ACBD6: variants seen among roughly 807,000 people sequenced by gnomAD.
ACBD6 encodes acyl-CoA binding domain containing 6.
ACBD6 carries 28 observed loss-of-function variants against 37.2 expected under a neutral mutation model. That is an observed-to-expected ratio of 0.75 (90% CI 0.56 to 1.03). ACBD6 has a LOEUF of 1.03. ACBD6 is among the 50% of genes least tolerant of loss of function. The pLI, the probability that ACBD6 is intolerant of heterozygous loss-of-function variation, is 0.00. For synonymous variants in ACBD6, 113 were observed against 126.8 expected (o/e 0.89, Z 0.73); for missense variants, 340 against 337.4 (o/e 1.01, Z -0.06).
chr1:180,480,077 A>C (rs571914156), intron 3 of ACBD6, among the ~76,000 whole-genome samples: 179 of 152,348 alleles, frequency 1.2e-3, no homozygotes, highest in African/African-American at 3.8e-3. Flanking sequence ...GAGGGATAAA[A>C]GGTGGGACTC....
chr1:180,414,197 T>C (rs752607912), intron 4 of ACBD6, among the ~76,000 whole-genome samples: 10 of 152,218 alleles, frequency 6.6e-5, no homozygotes, highest in African/African-American at 1.7e-4. Flanking sequence ...GGGGGAAGAA[T>C]TGTTTCAATC....
chr1:180,495,260 C>T (rs1323688706), intron 2 of ACBD6, among the ~76,000 whole-genome samples: 1 of 152,230 alleles, frequency 6.6e-6, no homozygotes, highest in Non-Finnish European at 1.5e-5. Context: ...TATATTCCAA[C>T]ATGCTAGCAT....
chr1:180,409,339 A>C lies in ACBD6; in HGVS notation c.573+4027T>G, dbSNP rs913626395. Among the ~76,000 whole-genome samples the C allele has an allele frequency of 2.0e-5, 3 of 152,210 alleles. No individual in the cohort carries two copies. In the South Asian group the frequency reaches 6.2e-4, roughly 31 times the overall value. On this transcript the variant is annotated intron_variant, in intron 5 of 7. Transcript: ENST00000367595. ...ACAATTTAAAAAATCAAGGGAAGCA[A>C]TCATGCCAAATTTATTTAAAAAAGA...
intron 6 of ACBD6, among the ~76,000 whole-genome samples, chr1:180,361,206 A>G (rs1652837022): frequency 1.3e-5 from 2 of 152,020 alleles, no homozygotes; most frequent in Non-Finnish European, 2.9e-5. Context: ...ACTCTTAAGT[A>G]ATGCAGTATG....
At chr1:180,418,423 T>A (rs1248736877) in intron 4 of ACBD6, among the ~76,000 whole-genome samples, 3 of 151,748 alleles carry the variant, frequency 2.0e-5, no homozygotes, top group East Asian at 1.9e-4. Flanking sequence ...ACAAAAAAAA[T>A]TTCAAATTAG....
chr1:180,458,686 T>C (rs1650014635), intron 3 of ACBD6, among the ~76,000 whole-genome samples: 1 of 152,096 alleles, frequency 6.6e-6, no homozygotes, highest in Non-Finnish European at 1.5e-5. Flanking sequence ...AAATCCACCA[T>C]AGTTGAGGGG....
Position 180,486,083 on chromosome 1 carries a change from T to C in ACBD6, c.384+6186A>G, listed in dbSNP as rs371458025. ...AGTGTCCCTACACATTCTTGTTCAA[T>C]AGACCAGGCCCTGACCATTCTTTAC... On this transcript the variant is annotated intron_variant, in intron 3 of 7. Transcript: ENST00000367595. Among the ~76,000 whole-genome samples, 10 of 152,310 alleles carry C rather than the reference T, an allele frequency of 6.6e-5. 1 individual carries two copies. The highest frequency in any genetic ancestry group is 2.6e-4 in the Admixed American group (4 of 15,296).
chr1:180,472,365 A>T (rs1650602590), intron 3 of ACBD6, among the ~76,000 whole-genome samples: 1 of 152,190 alleles, frequency 6.6e-6, no homozygotes. Flanking sequence ...GGACAACAGT[A>T]TTGTGATTTA....
chr1:180,307,742 G>C (rs1650436652), intron 7 of ACBD6, among the ~76,000 whole-genome samples: 1 of 152,150 alleles, frequency 6.6e-6, no homozygotes, highest in Non-Finnish European at 1.5e-5. Flanking sequence ...ATCATTTGAG[G>C]CCAGGAGTTT....
intron 7 of ACBD6, among the ~76,000 whole-genome samples, chr1:180,302,205 G>C (rs1002122802): frequency 1.3e-5 from 2 of 151,962 alleles, no homozygotes; most frequent in Non-Finnish European, 2.9e-5. Context: ...AGATTTGTCT[G>C]TATTTTATGA....
chr1:180,308,818 A>G (rs1428889565), intron 7 of ACBD6, among the ~76,000 whole-genome samples: 1 of 152,110 alleles, frequency 6.6e-6, no homozygotes, highest in Non-Finnish European at 1.5e-5. Flanking sequence ...TGGGTTCTTT[A>G]TTGGGTGGGA....
chr1:180,326,871 G>A (rs183814489), intron 6 of ACBD6, among the ~76,000 whole-genome samples: 3 of 152,228 alleles, frequency 2.0e-5, no homozygotes, highest in Non-Finnish European at 4.4e-5. Flanking sequence ...TGGAATGGGG[G>A]CTTCAAGACT....
At chr1:180,294,019 C>T (rs563778021) in intron 7 of ACBD6, among the ~76,000 whole-genome samples, 10 of 152,092 alleles carry the variant, frequency 6.6e-5, no homozygotes, top group South Asian at 6.2e-4. Flanking sequence ...TTCAGGCTCC[C>T]GAGCAGCTGG....
chr1:180,299,220 A>G (rs961180943), intron 7 of ACBD6, among the ~76,000 whole-genome samples: 1 of 152,244 alleles, frequency 6.6e-6, no homozygotes, highest in Non-Finnish European at 1.5e-5. Context: ...GTCATCTTTC[A>G]GAAATGTGTA....
At position 180,411,677 on chromosome 1, in the gene ACBD6, G is replaced by C. The variant is rs1042934619; in HGVS notation, c.573+1689C>G. Among the ~76,000 whole-genome samples the C allele has an allele frequency of 3.9e-5, 6 of 152,026 alleles. 1 individual carries two copies. Among genetic ancestry groups the C allele is most frequent in the Admixed American group, 3.9e-4 (6 of 15,262 alleles). On this transcript the variant is annotated intron_variant, in intron 5 of 7. Coordinates refer to ENST00000367595, the MANE Select transcript of ACBD6 (RefSeq NM_032360.4). ...GTAAACACAACTTTTTTGTTTGTTT[G>C]TTTTTTGAGATGGAGTCTCGCTCTG...
chr1:180,460,585 TC>T (rs1388060561), intron 3 of ACBD6, among the ~76,000 whole-genome samples: 1 of 152,236 alleles, frequency 6.6e-6, no homozygotes, highest in African/African-American at 2.4e-5. Context: ...CAGGCTGCCA[TC>T]TTTGCTGTTT....
chr1:180,406,540 T>G (rs1183848799), intron 5 of ACBD6, among the ~76,000 whole-genome samples: 1 of 152,130 alleles, frequency 6.6e-6, no homozygotes, highest in Non-Finnish European at 1.5e-5. Flanking sequence ...CATATATATT[T>G]GTTCATATAC....
At chr1:180,288,196 T>C, downstream of ACBD6, 1 of 873,324 alleles carries the variant, frequency 1.1e-6, no homozygotes, top group Non-Finnish European at 1.8e-6. Flanking sequence ...GCCTAGAATG[T>C]ATGCAAGAAG....
At chr1:180,422,966 C>CTT (rs375309113) in intron 4 of ACBD6, among the ~76,000 whole-genome samples, 1 of 150,968 alleles carries the variant, frequency 6.6e-6, no homozygotes, top group African/African-American at 2.4e-5. Context: ...TGCATCTTTG[C>CTT]TTTTTTTTTA....
Sources: allele counts gnomAD v4.1 joint callset (sites outside exome capture counted in the v4.1 genomes callset), GRCh38; gene constraint gnomAD v4.1.1; transcripts MANE v1.5; gene names NCBI Gene and HGNC (gene_info 2026-07-23, HGNC 2026-07-21).